The following ASIC2 variants were observed in gnomAD, a reference collection of about 807,000 sequenced individuals.
ASIC2 encodes acid sensing ion channel subunit 2.
Under a neutral mutation model 57.3 loss-of-function variants are expected in ASIC2, and 25 were observed. The observed-to-expected ratio is 0.44, with a 90% confidence interval of 0.32 to 0.61. The LOEUF is 0.61. Among genes scored for constraint, ASIC2 ranks in the 20% least tolerant of loss-of-function variants. The pLI is 0.06. For missense variants in ASIC2, 641 were observed against 738.1 expected (o/e 0.87, Z 1.52); for synonymous variants, 319 against 307.5 (o/e 1.04, Z -0.39).
intron 1 of ASIC2, among the ~76,000 whole-genome samples, chr17:33,857,159 C>A (rs1459596321): frequency 6.6e-6 from 1 of 152,186 alleles, no homozygotes; most frequent in Non-Finnish European, 1.5e-5. Context: ...GCCAAACCAA[C>A]TCTAGTTCCC....
intron 1 of ASIC2, among the ~76,000 whole-genome samples, chr17:33,322,036 C>T (rs1164187274): frequency 6.6e-6 from 1 of 152,150 alleles, no homozygotes; most frequent in African/African-American, 2.4e-5. Flanking sequence ...ATCCATGGCT[C>T]TGTGTTCCAC....
chr17:33,294,643 C>T (rs530785833), upstream of ASIC2, among the ~76,000 whole-genome samples: 35 of 152,070 alleles, frequency 2.3e-4, no homozygotes, highest in African/African-American at 8.2e-4. Context: ...ACTACACATA[C>T]AACACACATA....
Position 33,594,621 on chromosome 17 carries a change from G to A in ASIC2, c.556-482554C>T, listed in dbSNP as rs566690977. ...AGGCAGGCGGATCACGAGATCAGAA[G>A]ATCGAGACCATCCTGGCTAACACGG... On this transcript the variant is annotated intron_variant, in intron 1 of 9. Transcript: ENST00000359872. 5.9e-5 allele frequency among the ~76,000 whole-genome samples: 9 copies of A among 152,060 alleles called. No individual in the cohort carries two copies. The South Asian group carries it at 1.7e-3, about 28-fold the overall frequency.
chr17:33,442,168 T>G (rs1911848555), intron 1 of ASIC2, among the ~76,000 whole-genome samples: 1 of 152,248 alleles, frequency 6.6e-6, no homozygotes, highest in South Asian at 2.1e-4. Flanking sequence ...CGTACTTTCT[T>G]GATTTCTGTG....
intron 1 of ASIC2, among the ~76,000 whole-genome samples, chr17:33,578,971 C>A (rs1448848702): frequency 6.6e-6 from 1 of 152,128 alleles, no homozygotes; most frequent in Admixed American, 6.5e-5. Flanking sequence ...TCCTAGGGAG[C>A]ACCTTGGAAG....
chr17:33,561,982 T>G (rs1916087138), intron 1 of ASIC2, among the ~76,000 whole-genome samples: 2 of 152,216 alleles, frequency 1.3e-5, no homozygotes, highest in African/African-American at 4.8e-5. Context: ...CGAAGTTCCC[T>G]CCTCACTTCC....
intron 1 of ASIC2, chr17:34,071,303 T>C (rs1909390259): frequency 1.3e-5 from 2 of 152,338 alleles, no homozygotes; most frequent in Admixed American, 1.3e-4. Flanking sequence ...TGTCACTGGC[T>C]CTTGGTGGGC....
chr17:33,790,336 A>G (rs1911733403), intron 1 of ASIC2, among the ~76,000 whole-genome samples: 1 of 152,226 alleles, frequency 6.6e-6, no homozygotes, highest in Admixed American at 6.5e-5. Flanking sequence ...TTCACTCTCT[A>G]GAAAATTGTT....
At chr17:33,217,029 T>C (rs906197873) in intron 1 of ASIC2, among the ~76,000 whole-genome samples, 15 of 152,318 alleles carry the variant, frequency 9.8e-5, no homozygotes, top group South Asian at 2.1e-4. Flanking sequence ...AGGGAGGAAC[T>C]CCCAGTGACT....
At chr17:34,085,384 A>G (rs1910072039) in intron 1 of ASIC2, among the ~76,000 whole-genome samples, 1 of 152,234 alleles carries the variant, frequency 6.6e-6, no homozygotes, top group Admixed American at 6.5e-5. Context: ...CCCAGGGATG[A>G]AGCCCACTTG....
intron 1 of ASIC2, chr17:34,118,224 A>G (rs1163063014): frequency 1.3e-5 from 2 of 152,236 alleles, no homozygotes; most frequent in African/African-American, 2.4e-5. Context: ...AAGTGAGTAT[A>G]CTAATAGTAT....
intron 2 of ASIC2, among the ~76,000 whole-genome samples, chr17:33,096,682 A>C (rs1240090041): frequency 6.6e-6 from 1 of 152,110 alleles, no homozygotes; most frequent in Non-Finnish European, 1.5e-5. Context: ...GTGCTAGGAG[A>C]AGTGATGCAG....
chr17:33,815,793 T>C (rs933511611), intron 1 of ASIC2, among the ~76,000 whole-genome samples: 1 of 152,156 alleles, frequency 6.6e-6, no homozygotes, highest in African/African-American at 2.4e-5. Flanking sequence ...GTTCCTAGAA[T>C]GCATCTACTC....
intron 3 of ASIC2, among the ~76,000 whole-genome samples, chr17:33,038,210 C>A (rs1431096784): frequency 6.6e-6 from 1 of 152,160 alleles, no homozygotes; most frequent in Non-Finnish European, 1.5e-5. Flanking sequence ...AGACTTAGTT[C>A]TCATCACCTT....
intron 1 of ASIC2, among the ~76,000 whole-genome samples, chr17:33,613,715 T>G (rs570845313): frequency 6.6e-6 from 1 of 152,286 alleles, no homozygotes; most frequent in South Asian, 2.1e-4. Context: ...CTTCTTTATT[T>G]AAGATTCTGT....
chr17:33,156,509 G>C (rs927591681), intron 1 of ASIC2, among the ~76,000 whole-genome samples: 1 of 152,086 alleles, frequency 6.6e-6, no homozygotes, highest in Admixed American at 6.5e-5. Flanking sequence ...TGTAATCCCA[G>C]CACTTTGGGA....
At chr17:34,097,512 A>C (rs1297825312) in intron 1 of ASIC2, among the ~76,000 whole-genome samples, 1 of 152,206 alleles carries the variant, frequency 6.6e-6, no homozygotes, top group Non-Finnish European at 1.5e-5. Flanking sequence ...ATTGCAGTCA[A>C]GCTAAAGTGA....
chr17:33,615,660 A>G (rs1053280963), intron 1 of ASIC2, among the ~76,000 whole-genome samples: 4 of 152,216 alleles, frequency 2.6e-5, no homozygotes, highest in Admixed American at 6.5e-5. Flanking sequence ...AGCGTGTGCC[A>G]TGGTGGTTTG....
intron 1 of ASIC2, among the ~76,000 whole-genome samples, chr17:33,167,162 C>T (rs1164266440): frequency 1.3e-5 from 2 of 152,174 alleles, no homozygotes; most frequent in African/African-American, 2.4e-5. Context: ...CTCAACATGT[C>T]CCAAGCCACC....
Sources: gnomAD v4.1 joint callset for allele counts (sites outside exome capture counted in the v4.1 genomes callset) on GRCh38, gnomAD v4.1.1 for gene constraint, MANE v1.5 for transcripts, NCBI Gene and HGNC (gene_info 2026-07-23, HGNC 2026-07-21) for gene names.